Variants in SLC26A5 observed in about 807,000 individuals in gnomAD.
The protein encoded by SLC26A5 is solute carrier family 26 member 5.
In SLC26A5, 51 loss-of-function variants were observed where a neutral mutation model predicts 81.0. The observed-to-expected ratio is 0.63, with a 90% CI of 0.50 to 0.80. SLC26A5 has a LOEUF of 0.80. SLC26A5 is among the 30% of genes least tolerant of loss of function. SLC26A5 has a pLI of 0.00. For synonymous variants in SLC26A5, 325 were observed against 332.8 expected (o/e 0.98, Z 0.25); for missense variants, 771 against 905.8 (o/e 0.85, Z 1.91).
intron 19 of SLC26A5, among the ~76,000 whole-genome samples, chr7:103,361,510 C>CA (rs759044767): frequency 0.053 from 2,662 of 50,240 alleles, 126 homozygotes; most frequent in African/African-American, 0.1. Flanking sequence ...AACTCCATCT[C>CA]AAAAAAAAAA....
chr7:103,375,347 C>T (rs1821280416), intron 19 of SLC26A5, among the ~76,000 whole-genome samples: 1 of 151,866 alleles, frequency 6.6e-6, no homozygotes, highest in African/African-American at 2.4e-5. Flanking sequence ...TCATTTTGAA[C>T]ATATGCAGCA....
downstream of SLC26A5, chr7:103,369,392 C>G (rs1348721355): frequency 6.6e-6 from 1 of 152,180 alleles, no homozygotes; most frequent in Admixed American, 6.5e-5. Flanking sequence ...ACATTTAGAA[C>G]ACACTCTGAA....
chr7:103,412,789 G>A (rs931236302), intron 5 of SLC26A5, among the ~76,000 whole-genome samples: 18 of 152,060 alleles, frequency 1.2e-4, no homozygotes, highest in African/African-American at 4.8e-5. Context: ...GACCTCAGAC[G>A]ATCTGCCCGC....
rs528865070 is a variant in SLC26A5 at position 103,356,044 on chromosome 7, T to C, written c.2042-3118A>G. On this transcript the variant is annotated intron_variant, in intron 19 of 19. Transcript: ENST00000339444. ...GAGCAAGAAATGAAAAACTCCCTTC[T>C]CATACTTGCTTTCCCGTTGCCCTTT... Among the ~76,000 whole-genome samples the C allele has an allele frequency of 2.2e-4, 33 of 152,344 alleles. No individual in the cohort carries two copies. In the South Asian group the frequency reaches 6.8e-3, roughly 32 times the overall value.
At chr7:103,402,495 A>G in intron 8 of SLC26A5, among the ~76,000 whole-genome samples, 1 of 150,030 alleles carries the variant, frequency 6.7e-6, no homozygotes, top group African/African-American at 2.5e-5. Flanking sequence ...TGCCTCCCAG[A>G]TTCAAGTGAT....
chr7:103,429,356 T>C (rs543420168), intron 2 of SLC26A5, among the ~76,000 whole-genome samples: 3 of 152,236 alleles, frequency 2.0e-5, no homozygotes, highest in Admixed American at 6.5e-5. Context: ...TGCCCAAGCT[T>C]ACTACGTCTT....
At chr7:103,376,696 T>C in intron 19 of SLC26A5, 112 bp downstream of exon 19, 2 of 855,776 alleles carry the variant, frequency 2.3e-6, no homozygotes, top group Non-Finnish European at 3.7e-6. Context: ...AGAAGAACAA[T>C]TTTCATTTTT....
chr7:103,354,854 C>G (rs772627775), intron 19 of SLC26A5: 3 of 1,575,990 alleles, frequency 1.9e-6, no homozygotes, highest in Non-Finnish European at 2.6e-6. Flanking sequence ...ACTAAACTGA[C>G]CTTCATCACC....
chr7:103,417,196 C>T (rs778004147), intron 4 of SLC26A5, among the ~76,000 whole-genome samples: 7 of 151,702 alleles, frequency 4.6e-5, no homozygotes, highest in Non-Finnish European at 7.4e-5. Flanking sequence ...ATGGTGAAAC[C>T]CTGTCTCTAC....
intron 2 of SLC26A5, among the ~76,000 whole-genome samples, chr7:103,442,209 T>C (rs539091054): frequency 2.0e-3 from 300 of 152,222 alleles, no homozygotes; most frequent in Non-Finnish European, 3.7e-3. Flanking sequence ...TGGCGCAATC[T>C]CGGCTCACTG....
intron 14 of SLC26A5, chr7:103,388,722 C>T (rs1822404603): frequency 2.6e-6 from 1 of 382,876 alleles, no homozygotes; most frequent in South Asian, 2.1e-5. Flanking sequence ...TAGCACTAGA[C>T]CAGGAATGGC....
chr7:103,370,228 A>AT (rs151085655), downstream of SLC26A5, among the ~76,000 whole-genome samples: 2,033 of 152,168 alleles, frequency 0.013, 42 homozygotes, highest in African/African-American at 0.043. Flanking sequence ...GACCAATAGC[A>AT]TTTTTTTGCA....
rs766078713 is a variant in SLC26A5, at chr7:103,437,851, G to A, written c.-54+5232C>T. On this transcript the variant is annotated intron_variant, in intron 2 of 19. Coordinates refer to ENST00000306312, the MANE Select transcript of SLC26A5 (RefSeq NM_198999.3). ...TAAGATAGACAAGAATAGGTTTTGA[G>A]AGCGATTGCACAGCAGGAGGACTGT... is the stretch of plus-strand genomic sequence containing the variant. 6.6e-5 allele frequency among the ~76,000 whole-genome samples: 10 copies of A among 152,334 alleles called. No homozygotes were observed. The East Asian group carries it at 1.7e-3, about 26-fold the overall frequency.
At position 103,389,042 on chromosome 7, in the gene SLC26A5, T is replaced by C. The variant is rs1426960146; in HGVS notation, c.1480A>G (p.Ile494Val). Residue 494 changes from isoleucine to valine, a missense_variant, in exon 14 of 20, where the codon ATT (isoleucine) becomes GTT (valine). Ile to Val is a conservative substitution (Grantham distance 29). Coordinates refer to ENST00000306312, the MANE Select transcript of SLC26A5 (RefSeq NM_198999.3). Reference protein sequence around the residue: ...LDYGLITAVIIALLTVIYRTQ... With the variant: ...LDYGLITAVIVALLTVIYRTQ... ...CTGTAAATCACAGTCAGCAGAGCAA[T>C]GATCACAGCAGTGATCAAACCATAG... The C allele has an allele frequency of 1.9e-6, 3 of 1,613,676 alleles. No homozygotes were observed. Among genetic ancestry groups the C allele is most frequent in the Non-Finnish European group, 2.5e-6 (3 of 1,179,742 alleles).
At chr7:103,379,420 T>C (rs146945440) in intron 15 of SLC26A5, 85 bp from the exon 16 acceptor site, 11 of 887,362 alleles carry the variant, frequency 1.2e-5, no homozygotes, top group African/African-American at 3.4e-5. Context: ...AAATAGAAAA[T>C]GAATGCAGAA....
At chr7:103,359,940 G>A (rs1288683600) in intron 19 of SLC26A5, among the ~76,000 whole-genome samples, 2 of 152,054 alleles carry the variant, frequency 1.3e-5, no homozygotes, top group Non-Finnish European at 2.9e-5. Context: ...TATTAGCTGG[G>A]CGTGGTGGCA....
chr7:103,402,678 C>T (rs1416634056), intron 8 of SLC26A5, among the ~76,000 whole-genome samples: 7 of 152,072 alleles, frequency 4.6e-5, no homozygotes, highest in African/African-American at 1.7e-4. Flanking sequence ...GGATTACAGG[C>T]GTGAGCCACC....
At position 103,367,530 on chromosome 7, in the gene SLC26A5, C is replaced by G; in HGVS notation, c.2041+9278G>C. ...GGCAATATTAAAGTGCTGATGGCCA[C>G]TAACAGACCTGATACTTTGGATCCA... On this transcript the variant is annotated intron_variant, in intron 19 of 19. Coordinates refer to the SLC26A5 transcript ENST00000339444. This position sits in a 1 kb window ranked among gnomAD's most constrained non-coding sequence, Gnocchi z 6.1. 6.2e-7 allele frequency: 1 copy of G among 1,614,098 alleles called. No individual in the cohort carries two copies. Among genetic ancestry groups the G allele is most frequent in the Non-Finnish European group, 8.5e-7 (1 of 1,180,024 alleles).
chr7:103,354,971 T>C, intron 19 of SLC26A5: 1 of 1,462,176 alleles, frequency 6.8e-7, no homozygotes, highest in Non-Finnish European at 9.6e-7. Context: ...TAAATTCCCA[T>C]TTCCTTCCTT....
Sources: allele counts gnomAD v4.1 joint callset (sites outside exome capture counted in the v4.1 genomes callset), GRCh38; gene constraint gnomAD v4.1.1; non-coding constraint Gnocchi (gnomAD v3.1); transcripts MANE v1.5; gene names NCBI Gene and HGNC (gene_info 2026-07-23, HGNC 2026-07-21).